PPP1R2: variants seen among roughly 807,000 people sequenced by gnomAD.
PPP1R2 encodes protein phosphatase inhibitor 2.
Under a neutral mutation model 29.9 loss-of-function variants are expected in PPP1R2, and 16 were observed. The observed-to-expected ratio is 0.53, with a 90% CI of 0.36 to 0.81. PPP1R2 has a LOEUF of 0.81. Ranked by LOEUF, PPP1R2 falls within the 30% of genes least tolerant of loss-of-function variation. The pLI, the probability that PPP1R2 is intolerant of heterozygous loss-of-function variation, is 0.00. For missense variants in PPP1R2, 197 were observed against 252.7 expected, an observed-to-expected ratio of 0.78 and a Z score of 1.49; for synonymous variants, 76 against 91.5, an observed-to-expected ratio of 0.83 and a Z score of 0.96.
At chr3:195,531,274 G>C (rs747696841) in intron 1 of PPP1R2, among the ~76,000 whole-genome samples, 2 of 152,102 alleles carry the variant, frequency 1.3e-5, no homozygotes, top group African/African-American at 4.8e-5. Flanking sequence ...ACATTATTTT[G>C]TTACATATAG....
At chr3:195,532,713 C>T (rs1028993569) in intron 1 of PPP1R2, among the ~76,000 whole-genome samples, 2 of 151,678 alleles carry the variant, frequency 1.3e-5, no homozygotes, top group Non-Finnish European at 2.9e-5. Flanking sequence ...TTTTTTTCAA[C>T]AAATCTACTG....
chr3:195,515,077 G>A lies in PPP1R2; in HGVS notation c.*1819C>T. 1 of 292,482 alleles carries A rather than the reference G, an allele frequency of 3.4e-6. No individual in the cohort carries two copies. The highest frequency in any genetic ancestry group is 3.6e-5 in the South Asian group (1 of 27,856). 18.1% of individuals were successfully genotyped at this position (292,482 alleles called of 1,614,324 possible). A position where few individuals can be genotyped will look rare whatever the true frequency, so the allele number is the denominator to read the frequency against. ...GAAACAAGAAAACCAAAATCAGAGG[G>A]TGCATGAATATATGTGCACGCACAT... is the stretch of plus-strand genomic sequence containing the variant. On this transcript the variant is annotated 3_prime_UTR_variant, in exon 6 of 6. Transcript: ENST00000618156.
Position 195,529,791 on chromosome 3 carries a change from T to C in PPP1R2, c.230+3A>G. The C allele has an allele frequency of 1.9e-6, 3 of 1,566,534 alleles. No individual in the cohort carries two copies. The highest frequency in any genetic ancestry group is 1.2e-5 in the South Asian group (1 of 84,844). On this transcript the variant is annotated splice_donor_region_variant and intron_variant, in intron 2 of 5. Transcript: ENST00000618156. The stretch of plus-strand genomic sequence containing the variant: ...AAGAGGAATGACGTCTACGTAACAT[T>C]ACCTATGGTAAGGAGTGCTTGGTTC...
chr3:195,542,544 A>T (rs1167204932), intron 1 of PPP1R2, among the ~76,000 whole-genome samples: 1 of 152,190 alleles, frequency 6.6e-6, no homozygotes, highest in African/African-American at 2.4e-5. Context: ...AAGAAAATAC[A>T]CTGTAATTAT....
chr3:195,526,478 C>T (rs1169328234), intron 2 of PPP1R2, among the ~76,000 whole-genome samples: 1 of 152,168 alleles, frequency 6.6e-6, no homozygotes, highest in Non-Finnish European at 1.5e-5. Context: ...AAGCAGGACA[C>T]AGGTTATCTC....
intron 5 of PPP1R2, 90 bp downstream of exon 5, chr3:195,518,928 G>GT (rs1197979307): frequency 9.7e-6 from 15 of 1,538,802 alleles, no homozygotes; most frequent in South Asian, 7.6e-5. Context: ...AAAATTTTCT[G>GT]TTTTTTCACA....
chr3:195,517,317 T>C (rs1483678837), intron 5 of PPP1R2, among the ~76,000 whole-genome samples: 1 of 151,836 alleles, frequency 6.6e-6, no homozygotes, highest in Non-Finnish European at 1.5e-5. Context: ...ATGAATTGTG[T>C]GAATGGGGGA....
intron 1 of PPP1R2, among the ~76,000 whole-genome samples, chr3:195,536,613 G>A (rs1186545670): frequency 6.6e-6 from 1 of 151,510 alleles, no homozygotes; most frequent in Non-Finnish European, 1.5e-5. Context: ...ACATGATGAA[G>A]CCCTGTCTCT....
At chr3:195,528,663 C>A (rs1232096460) in intron 2 of PPP1R2, 1 of 74,484 alleles carries the variant, frequency 1.3e-5, no homozygotes, top group African/African-American at 5.0e-5. Context: ...TCTTGGAAAT[C>A]TTTTATTTTT....
rs1414765981 is a variant in PPP1R2 at position 195,543,244 on chromosome 3, C to T, written c.-219G>A. The T allele has an allele frequency of 5.7e-6, 3 of 530,580 alleles. No individual in the cohort carries two copies. Among genetic ancestry groups the T allele is most frequent in the Non-Finnish European group, 9.4e-6 (3 of 320,562 alleles). 32.9% of individuals were successfully genotyped at this position (530,580 alleles called of 1,614,324 possible). ...AACGGGTGGCGGCTACTCGCGCACCCTTAGCCACTGGCACTTGACCCGCGG... is the reference window on the plus strand; with the variant it reads ...AACGGGTGGCGGCTACTCGCGCACCTTTAGCCACTGGCACTTGACCCGCGG... On this transcript the variant is annotated 5_prime_UTR_variant, in exon 1 of 6. Coordinates refer to ENST00000618156, the MANE Select transcript of PPP1R2 (RefSeq NM_006241.8).
intron 4 of PPP1R2, chr3:195,519,427 A>C (rs1577562932): frequency 2.6e-6 from 1 of 387,170 alleles, no homozygotes; most frequent in Non-Finnish European, 4.5e-6. Flanking sequence ...TCCAGCCATT[A>C]GAAATTATAT....
At chr3:195,530,862 G>A (rs1254963264) in intron 1 of PPP1R2, among the ~76,000 whole-genome samples, 8 of 151,286 alleles carry the variant, frequency 5.3e-5, no homozygotes, top group East Asian at 3.9e-4. Flanking sequence ...TGCTCTTGTC[G>A]CCCAGGCTGG....
At chr3:195,529,521 T>G (rs1286764849) in intron 2 of PPP1R2, 1 of 249,130 alleles carries the variant, frequency 4.0e-6, no homozygotes, top group African/African-American at 2.2e-5. Flanking sequence ...AAGTTAAAAC[T>G]AATATATGCA....
At chr3:195,525,265 C>T (rs1280141435) in intron 2 of PPP1R2, among the ~76,000 whole-genome samples, 2 of 152,110 alleles carry the variant, frequency 1.3e-5, no homozygotes, top group African/African-American at 2.4e-5. Flanking sequence ...CAGTGTGTAA[C>T]AACTATTTGC....
chr3:195,524,833 G>A lies in PPP1R2; in HGVS notation c.294C>T (p.Asp98=), dbSNP rs368126205. 11 of 1,613,972 alleles carry A rather than the reference G, an allele frequency of 6.8e-6. No homozygotes were observed. In the African/African-American group the frequency reaches 1.1e-4, roughly 16 times the overall value. ...TTAGTACTTACTTCCTGGCTAAGAT[G>A]TCTGGCGCCATGGCTTCAGTGGCCT... ...DTEATEAMAP[D]ILARKLAAAE... is the part of the protein sequence containing the mutation. Residue 98 remains aspartate, a synonymous_variant, in exon 3 of 6, where the codon GAC becomes GAT. Coordinates refer to ENST00000618156, the MANE Select transcript of PPP1R2 (RefSeq NM_006241.8).
intron 1 of PPP1R2, among the ~76,000 whole-genome samples, chr3:195,538,460 A>G (rs1488836162): frequency 6.6e-6 from 1 of 152,248 alleles, no homozygotes; most frequent in Non-Finnish European, 1.5e-5. Flanking sequence ...GTTACTGAAC[A>G]ATTAAAGTAA....
At chr3:195,531,017 T>G (rs1049549697) in intron 1 of PPP1R2, among the ~76,000 whole-genome samples, 1 of 151,660 alleles carries the variant, frequency 6.6e-6, no homozygotes, top group Admixed American at 6.6e-5. Context: ...GAGACGGGGT[T>G]TCACCATGTT....
rs1459438436 is a variant in PPP1R2, at chr3:195,516,566, T to TC, written c.*329dup. On this transcript the variant is annotated 3_prime_UTR_variant, in exon 6 of 6. Transcript: ENST00000618156. ...TTTCAAGTGATGAAAATAAATTAGT[T>TC]CCCCCCCAAAGATATTGTTTAACTT... 10 of 228,734 alleles carry TC rather than the reference T, an allele frequency of 4.4e-5. No homozygotes were observed. The highest frequency in any genetic ancestry group is 1.4e-4 in the South Asian group (1 of 7,020). 14.2% of individuals were successfully genotyped at this position (228,734 alleles called of 1,614,324 possible).
At chr3:195,519,284 G>C in intron 4 of PPP1R2, 99 bp from the exon 5 acceptor site, 1 of 927,170 alleles carries the variant, frequency 1.1e-6, no homozygotes, top group Non-Finnish European at 1.6e-6. Context: ...ATGCTCATTT[G>C]TTTTTGTCAT....
Sources: gnomAD v4.1 joint callset for allele counts (sites outside exome capture counted in the v4.1 genomes callset) on GRCh38, gnomAD v4.1.1 for gene constraint, MANE v1.5 for transcripts, NCBI Gene and HGNC (gene_info 2026-07-23, HGNC 2026-07-21) for gene names.